Variants in ARL5A observed in about 807,000 individuals in gnomAD.
ARL5A encodes the protein ADP-ribosylation factor-like protein 5A.
Under a neutral mutation model 25.9 loss-of-function variants are expected in ARL5A, and 18 were observed. That is an observed-to-expected ratio of 0.69 (90% CI 0.48 to 1.03). The LOEUF is 1.03. ARL5A is among the 50% of genes least tolerant of loss of function. ARL5A has a pLI of 0.00. For missense variants in ARL5A, 170 were observed against 211.9 expected (o/e 0.80, Z 1.23); for synonymous variants, 61 against 67.5 (o/e 0.90, Z 0.47).
At position 151,801,606 on chromosome 2, in the gene ARL5A, T is replaced by C. The variant is rs889217900; in HGVS notation, c.*1670A>G. 3 of 152,100 alleles carry C rather than the reference T, an allele frequency of 2.0e-5. No individual in the cohort carries two copies. Among genetic ancestry groups the C allele is most frequent in the East Asian group, 1.9e-4 (1 of 5,202 alleles). 9.4% of individuals were successfully genotyped at this position (152,100 alleles called of 1,614,324 possible). A position where few individuals can be genotyped will look rare whatever the true frequency, so the allele number is the denominator to read the frequency against. On this transcript the variant is annotated 3_prime_UTR_variant, in exon 6 of 6. Transcript: ENST00000295087. ...GCTTGCATTTTGAACATTATAAATA[T>C]AAAACATAAAACATCCAATGTTAAA... is the stretch of plus-strand genomic sequence containing the variant.
At chr2:151,825,396 G>GA (rs1197343661) in intron 1 of ARL5A, among the ~76,000 whole-genome samples, 1 of 151,698 alleles carries the variant, frequency 6.6e-6, no homozygotes, top group Non-Finnish European at 1.5e-5. Context: ...ATGGCCTGGG[G>GA]AAAAAAAATC....
rs1037128121 is a variant in ARL5A at position 151,828,227 on chromosome 2, C to A, written c.-51G>T. ...CAGACACCCGGGCCGCCTGGCTTCC[C>A]CCGGCTCAGGCTGAGGGGGAGGAGA... On this transcript the variant is annotated 5_prime_UTR_variant, in exon 1 of 6. Transcript: ENST00000295087. The A allele has an allele frequency of 1.0e-5, 16 of 1,571,924 alleles. No homozygotes were observed. The highest frequency in any genetic ancestry group is 1.4e-5 in the Non-Finnish European group (16 of 1,146,734).
chr2:151,808,876 C>T (rs1391765509), intron 4 of ARL5A, among the ~76,000 whole-genome samples: 2 of 152,096 alleles, frequency 1.3e-5, no homozygotes, highest in Non-Finnish European at 2.9e-5. Context: ...GGCGAAACCC[C>T]GTTTCAACTG....
chr2:151,821,260 C>T (rs1231468289), intron 1 of ARL5A, among the ~76,000 whole-genome samples: 2 of 152,158 alleles, frequency 1.3e-5, no homozygotes, highest in Non-Finnish European at 2.9e-5. Flanking sequence ...AACCATGCCC[C>T]CAAACTCTTA....
At chr2:151,824,708 T>A (rs2099832799) in intron 1 of ARL5A, among the ~76,000 whole-genome samples, 1 of 152,004 alleles carries the variant, frequency 6.6e-6, no homozygotes. Flanking sequence ...GTCCTTCTTA[T>A]ACAAAGTCCT....
At chr2:151,816,370 G>A (rs1341086954) in intron 1 of ARL5A, among the ~76,000 whole-genome samples, 2 of 152,166 alleles carry the variant, frequency 1.3e-5, no homozygotes, top group African/African-American at 4.8e-5. Context: ...AATTTTAGCT[G>A]CTATCTGACT....
Position 151,812,346 on chromosome 2 carries a change from T to C in ARL5A, c.339+11A>G, listed in dbSNP as rs746757645. On this transcript the variant is annotated intron_variant, in intron 4 of 5. Coordinates refer to ENST00000295087, the MANE Select transcript of ARL5A (RefSeq NM_012097.4). ...TTCCCCATATCTAATGTAAAAAGAC[T>C]ACTTACTTACCTCATGCGCTAACAT... 6 of 1,567,712 alleles carry C rather than the reference T, an allele frequency of 3.8e-6. No homozygotes were observed. The highest frequency in any genetic ancestry group is 4.5e-5 in the East Asian group (2 of 44,204).
chr2:151,812,560 T>C (rs2099830973), intron 3 of ARL5A, 120 bp from the exon 4 acceptor site: 1 of 601,882 alleles, frequency 1.7e-6, no homozygotes, highest in African/African-American at 1.9e-5. Flanking sequence ...ATGGTATTGT[T>C]GGAAAATCAG....
chr2:151,815,410 A>G (rs2099831364), intron 1 of ARL5A, among the ~76,000 whole-genome samples: 1 of 152,208 alleles, frequency 6.6e-6, no homozygotes, highest in South Asian at 2.1e-4. Flanking sequence ...ATTATTCTAG[A>G]GACAACTCTC....
Position 151,812,386 on chromosome 2 carries a change from C to A in ARL5A, c.310G>T (p.Glu104Ter), listed in dbSNP as rs774726314. 1.2e-6 allele frequency: 2 copies of A among 1,606,292 alleles called. No individual in the cohort carries two copies. The highest frequency in any genetic ancestry group is 1.7e-6 in the Non-Finnish European group (2 of 1,177,528). ...TGCGCTAACATTTTATAGAGTTCTT[C>A]TCTAGTTACAGAAATCCTCTCTCTG... ...TDRERISVTR[E>*]ELYKMLAHED... Residue 104 changes from glutamate to a stop codon, truncating the protein, a stop_gained, in exon 4 of 6, where the codon GAA becomes TAA. Coordinates refer to ENST00000295087, the MANE Select transcript of ARL5A (RefSeq NM_012097.4). LOFTEE classifies it high-confidence loss of function.
chr2:151,807,478 T>G (rs1450068467), intron 4 of ARL5A, among the ~76,000 whole-genome samples: 1 of 152,122 alleles, frequency 6.6e-6, no homozygotes, highest in East Asian at 1.9e-4. Flanking sequence ...TAAACCAGCC[T>G]TTCCCAATCA....
At chr2:151,823,956 T>C (rs913078223) in intron 1 of ARL5A, among the ~76,000 whole-genome samples, 2 of 152,198 alleles carry the variant, frequency 1.3e-5, no homozygotes, top group Admixed American at 6.5e-5. Context: ...CACCCTTTCC[T>C]CCTACAATGC....
chr2:151,824,125 C>G (rs1313679272), intron 1 of ARL5A, among the ~76,000 whole-genome samples: 1 of 152,200 alleles, frequency 6.6e-6, no homozygotes, highest in Non-Finnish European at 1.5e-5. Flanking sequence ...TCAGTAGAAA[C>G]CATACTTCGA....
intron 1 of ARL5A, among the ~76,000 whole-genome samples, chr2:151,821,775 CTTTTTTTTTTTTTCTTTT>C (rs1347726820): frequency 7.0e-5 from 8 of 113,542 alleles, no homozygotes; most frequent in Non-Finnish European, 1.2e-4. Context: ...GCCCGGCTTT[CTTTTTTTTTTTTTCTTTT>C]TTTTTTTTTT....
Position 151,800,312 on chromosome 2 carries a change from T to C in ARL5A, c.*2964A>G, listed in dbSNP as rs2099829239. ...CCTATTTCTAGGCATCTTAATACTATATGCTGAGACAAAAAGGAAAACAAT... is the reference window on the plus strand; with the variant it reads ...CCTATTTCTAGGCATCTTAATACTACATGCTGAGACAAAAAGGAAAACAAT... On this transcript the variant is annotated 3_prime_UTR_variant, in exon 6 of 6. Transcript: ENST00000295087. 6.6e-6 allele frequency: 1 copy of C among 152,222 alleles called. No homozygotes were observed. Among genetic ancestry groups the C allele is most frequent in the Non-Finnish European group, 1.5e-5 (1 of 68,026 alleles). 9.4% of individuals were successfully genotyped at this position (152,222 alleles called of 1,614,324 possible).
rs1478323970 is a variant in ARL5A at position 151,799,505 on chromosome 2, TA to T, written c.*3770del. 1 of 152,226 alleles carries T rather than the reference TA, an allele frequency of 6.6e-6. No homozygotes were observed. The highest frequency in any genetic ancestry group is 1.5e-5 in the Non-Finnish European group (1 of 68,036). 9.4% of individuals were successfully genotyped at this position (152,226 alleles called of 1,614,324 possible). On this transcript the variant is annotated 3_prime_UTR_variant, in exon 6 of 6. Transcript: ENST00000295087. ...CTTGGTAGTGGGAAGATAATACACA[TA>T]AAACTTAATCCTGCCCATGCCTAAC... is the stretch of plus-strand genomic sequence containing the variant.
At chr2:151,804,094 A>G (rs906700431) in intron 5 of ARL5A, among the ~76,000 whole-genome samples, 2 of 152,204 alleles carry the variant, frequency 1.3e-5, no homozygotes, top group African/African-American at 4.8e-5. Flanking sequence ...AATGCTCATG[A>G]TATAAATGAA....
chr2:151,807,114 A>G (rs940464853), intron 4 of ARL5A, 142 bp from the exon 5 acceptor site: 37 of 723,678 alleles, frequency 5.1e-5, no homozygotes, highest in Non-Finnish European at 6.7e-6. Context: ...CTAGGCTGAT[A>G]ACACATTTTT....
In ARL5A at chr2:151,803,304, C is replaced by T; in HGVS notation, c.512G>A (p.Trp171Ter). The T allele has an allele frequency of 6.2e-7, 1 of 1,612,898 alleles. No homozygotes were observed. Among genetic ancestry groups the T allele is most frequent in the Non-Finnish European group, 8.5e-7 (1 of 1,179,000 alleles). ...TCTAATCTTAAGTCGTGACATCATC[C>T]ATTCAAGTCCTTGGCACAATCTATA... is the stretch of plus-strand genomic sequence containing the variant. ...TGEGLCQGLE[W>*]MMSRLKIR is the part of the protein sequence containing the mutation. Residue 171 changes from tryptophan (W) to a stop codon, truncating the protein, a stop_gained, in exon 6 of 6, where the codon TGG becomes TAG. Transcript: ENST00000295087. LOFTEE classifies it high-confidence loss of function.
Sources: allele counts gnomAD v4.1 joint callset (sites outside exome capture counted in the v4.1 genomes callset), GRCh38; gene constraint gnomAD v4.1.1; transcripts MANE v1.5; gene names NCBI Gene and HGNC (gene_info 2026-07-23, HGNC 2026-07-21).